The following DCLRE1C variants were observed in gnomAD, a reference collection of about 807,000 sequenced individuals.
The protein encoded by DCLRE1C is protein artemis.
A neutral mutation model predicts 61.4 loss-of-function variants in DCLRE1C; 47 were observed. That is an observed-to-expected ratio of 0.77 (90% CI 0.61 to 0.98). DCLRE1C has a LOEUF of 0.98. Ranked by LOEUF, DCLRE1C falls within the 50% of genes least tolerant of loss-of-function variation. The probability of loss-of-function intolerance (pLI) is 0.00; values close to 1 mark genes in which losing one functional copy is unlikely to be tolerated. For synonymous variants in DCLRE1C, 337 were observed against 287.6 expected (o/e 1.17, Z -1.74); for missense variants, 858 against 816.0 (o/e 1.05, Z -0.63).
At position 14,923,058 on chromosome 10, in the gene DCLRE1C, G is replaced by T. The variant is rs1485367298; in HGVS notation, c.984C>A (p.Phe328Leu). The T allele has an allele frequency of 1.9e-6, 3 of 1,613,616 alleles. No individual in the cohort carries two copies. Residue 328 changes from phenylalanine (F) to leucine (L), a missense_variant, in exon 12 of 14, where the codon TTC (phenylalanine) becomes TTA (leucine). Phe to Leu is a conservative substitution (Grantham distance 22). Transcript: ENST00000378278. ...CGTTCACAGGACAGAGGTAGCTCAA[G>T]AAATCTTTAATCTAGAAAAAGGAAA... ...FHSSYSEIKD[F>L]LSYLCPVNAY...
chr10:14,897,487 A>T, exon 14 of DCLRE1C: 1 of 1,570,174 alleles, frequency 6.4e-7, no homozygotes, highest in Non-Finnish European at 8.7e-7. Context: ...AGATTAAAAG[A>T]ATGAGTTTTG....
At chr10:14,932,181 G>A (rs1454177554) in intron 9 of DCLRE1C, among the ~76,000 whole-genome samples, 1 of 151,602 alleles carries the variant, frequency 6.6e-6, no homozygotes, top group African/African-American at 2.4e-5. Context: ...CCAAGAGTGG[G>A]CCACTGCACT....
intron 13 of DCLRE1C, among the ~76,000 whole-genome samples, chr10:14,913,485 G>A (rs1161639735): frequency 2.0e-5 from 3 of 152,244 alleles, no homozygotes; most frequent in African/African-American, 7.2e-5. Flanking sequence ...GCACAGACTG[G>A]GAGAAGAGGA....
chr10:14,948,369 G>A (rs925622705), intron 2 of DCLRE1C, among the ~76,000 whole-genome samples: 1 of 152,168 alleles, frequency 6.6e-6, no homozygotes, highest in African/African-American at 2.4e-5. Flanking sequence ...ATCTTGAGAA[G>A]GGGGAATTTA....
chr10:14,933,888 A>G (rs956744912), intron 8 of DCLRE1C, among the ~76,000 whole-genome samples: 20 of 152,170 alleles, frequency 1.3e-4, no homozygotes, highest in Non-Finnish European at 2.5e-4. Context: ...TGACTGAACT[A>G]AGATGATATA....
intron 11 of DCLRE1C, among the ~76,000 whole-genome samples, chr10:14,924,802 A>G (rs12242725): frequency 0.12 from 18,337 of 151,894 alleles, 2,419 homozygotes; most frequent in African/African-American, 0.32. Context: ...AGCCGAGATC[A>G]CGCCACTGCA....
chr10:14,908,664 C>G lies in DCLRE1C; in HGVS notation c.1823G>C (p.Arg608Thr). ...AGGAACTATTGTCACATCTTTATCTCTGCTTTTCAAATCAGAGTAAGTATC... is the reference window on the plus strand; with the variant it reads ...AGGAACTATTGTCACATCTTTATCTGTGCTTTTCAAATCAGAGTAAGTATC... ...PKDTYSDLKS[R>T]DKDVTIVPST... Residue 608 changes from arginine (R) to threonine (T), a missense_variant, in exon 14 of 14, where the codon AGA (arginine) becomes ACA (threonine). By Grantham distance (71) the Arg-to-Thr change is moderately conservative. Around this residue, in one of 2 missense-constraint regions of DCLRE1C, gnomAD observed 843 missense variants for 783.5 expected, o/e 1.08. Coordinates refer to ENST00000378278, the MANE Select transcript of DCLRE1C (RefSeq NM_001033855.3). 1 of 1,614,158 alleles carries G rather than the reference C, an allele frequency of 6.2e-7. No individual in the cohort carries two copies. The highest frequency in any genetic ancestry group is 8.5e-7 in the Non-Finnish European group (1 of 1,180,028).
chr10:14,945,727 C>T (rs1278260685), intron 2 of DCLRE1C, among the ~76,000 whole-genome samples: 2 of 129,378 alleles, frequency 1.5e-5, no homozygotes, highest in Non-Finnish European at 3.1e-5. Flanking sequence ...GGTGTGATCT[C>T]GTCTCACTGC....
chr10:14,932,375 C>T (rs956658566), intron 9 of DCLRE1C, among the ~76,000 whole-genome samples: 14 of 152,202 alleles, frequency 9.2e-5, no homozygotes, highest in Admixed American at 5.9e-4. Flanking sequence ...TGGTGGCTCA[C>T]GCCTGTAGTA....
upstream of DCLRE1C, chr10:14,954,153 G>A (rs1842854743): frequency 7.8e-6 from 11 of 1,404,214 alleles, no homozygotes; most frequent in South Asian, 1.2e-5. Flanking sequence ...AGAGGAGTCC[G>A]GAGACCGGGG....
At chr10:14,924,188 T>C (rs1170901604) in intron 11 of DCLRE1C, among the ~76,000 whole-genome samples, 1 of 152,240 alleles carries the variant, frequency 6.6e-6, no homozygotes, top group Non-Finnish European at 1.5e-5. Context: ...TTGCTCTCTC[T>C]CACTCGCGTG....
At chr10:14,952,363 G>C (rs1015466064) in intron 1 of DCLRE1C, among the ~76,000 whole-genome samples, 9 of 152,156 alleles carry the variant, frequency 5.9e-5, no homozygotes, top group Admixed American at 1.3e-4. Context: ...GAGGTGGGTG[G>C]ATCTACCTGA....
intron 3 of DCLRE1C, among the ~76,000 whole-genome samples, chr10:14,940,569 T>C (rs915918753): frequency 2.0e-5 from 3 of 152,066 alleles, no homozygotes; most frequent in African/African-American, 7.2e-5. Flanking sequence ...ATTACAGGCG[T>C]GAGCCACCAC....
chr10:14,921,687 C>G (rs1474645983), intron 12 of DCLRE1C, among the ~76,000 whole-genome samples: 5 of 152,164 alleles, frequency 3.3e-5, no homozygotes, highest in Non-Finnish European at 7.3e-5. Context: ...CCATGGGCAC[C>G]CTCTGCTTAC....
Position 14,904,675 on chromosome 10 carries a change from T to C in DCLRE1C, c.*3733A>G, listed in dbSNP as rs948474024. On this transcript the variant is annotated 3_prime_UTR_variant, in exon 14 of 14. Transcript: ENST00000378278. ...CCTTTGGGATCTTAAGTACTACTTA[T>C]GTTACCTTTGTTATTCAGATGCTGA... Among the ~76,000 whole-genome samples, 3 of 152,236 alleles carry C rather than the reference T, an allele frequency of 2.0e-5. No individual in the cohort carries two copies. Among genetic ancestry groups the C allele is most frequent in the African/African-American group, 4.8e-5 (2 of 41,462 alleles).
In DCLRE1C at chr10:14,908,778, A is replaced by G; in HGVS notation, c.1709T>C (p.Ile570Thr). The G allele has an allele frequency of 1.2e-6, 2 of 1,614,190 alleles. No individual in the cohort carries two copies. The highest frequency in any genetic ancestry group is 1.7e-6 in the Non-Finnish European group (2 of 1,180,036). The change falls in exon 14 of 14, where the codon ATT (isoleucine) becomes ACT (threonine). Residue 570 changes from isoleucine (I) to threonine (T), a missense_variant. Physicochemically the swap from Ile to Thr is moderately conservative, Grantham distance 89. Transcript: ENST00000378278. ...LSSQERNSGDITSLDKADYRP... is the reference protein window; with the variant it reads ...LSSQERNSGDTTSLDKADYRP... Reference sequence around the variant, plus strand: ...GTAGTCAGCTTTGTCCAAGGAAGTAATATCCCCACTGTTTCTCTCTTGGGA... The same window carrying G: ...GTAGTCAGCTTTGTCCAAGGAAGTAGTATCCCCACTGTTTCTCTCTTGGGA...
chr10:14,897,443 A>G, exon 14 of DCLRE1C: 2 of 1,612,458 alleles, frequency 1.2e-6, no homozygotes, highest in Non-Finnish European at 1.7e-6. Flanking sequence ...TCGAACTAGC[A>G]ATGGACGTGG....
At chr10:14,921,155 C>T (rs1356021880) in intron 12 of DCLRE1C, among the ~76,000 whole-genome samples, 3 of 151,900 alleles carry the variant, frequency 2.0e-5, no homozygotes, top group African/African-American at 7.3e-5. Flanking sequence ...CCCGTCTCTA[C>T]TAAAAATACA....
At position 14,899,202 on chromosome 10, in the gene DCLRE1C, TC is replaced by T; in HGVS notation, c.1266del (p.Trp422Ter). On this transcript the variant is annotated frameshift_variant, in exon 14 of 14. Coordinates refer to the DCLRE1C transcript ENST00000378289. LOFTEE classifies it high-confidence loss of function. Reference sequence around the variant, plus strand: ...TGGGCATGGCGGTATGCACCTGTGATCCAGCTAGTCAGGAGGCTGAGGCAGG... The same window carrying T: ...TGGGCATGGCGGTATGCACCTGTGATCAGCTAGTCAGGAGGCTGAGGCAGG... 1.4e-6 allele frequency: 1 copy of T among 702,026 alleles called. No homozygotes were observed. Among genetic ancestry groups the T allele is most frequent in the Non-Finnish European group, 2.6e-6 (1 of 384,774 alleles). 43.5% of individuals were successfully genotyped at this position (702,026 alleles called of 1,614,324 possible).
Sources: allele counts gnomAD v4.1 joint callset (sites outside exome capture counted in the v4.1 genomes callset), GRCh38; gene constraint gnomAD v4.1.1; regional missense constraint gnomAD v4.1.1; transcripts MANE v1.5; gene names NCBI Gene and HGNC (gene_info 2026-07-23, HGNC 2026-07-21).